The following MGAT4C variants were observed in gnomAD, a reference collection of about 807,000 sequenced individuals.
MGAT4C encodes the protein alpha-1,3-mannosyl-glycoprotein 4-beta-N-acetylglucosaminyltransferase C.
Under a neutral mutation model 40.1 loss-of-function variants are expected in MGAT4C, and 19 were observed. That is an observed-to-expected ratio of 0.47 (90% CI 0.33 to 0.70). MGAT4C has a LOEUF of 0.70. MGAT4C is among the 30% of genes least tolerant of loss of function. The pLI is 0.02. For synonymous variants in MGAT4C, 181 were observed against 187.1 expected, an observed-to-expected ratio of 0.97 and a Z score of 0.27; for missense variants, 491 against 563.2, an observed-to-expected ratio of 0.87 and a Z score of 1.30.
In MGAT4C at chr12:86,700,690, T is replaced by C. The variant is rs111882272; in HGVS notation, c.-229+26519A>G. On this transcript the variant is annotated intron_variant, in intron 2 of 7. Coordinates refer to the MGAT4C transcript ENST00000548651. ...ATTGGAGACTAAATGACCATAACTT[T>C]CCTGTGGAATGCCTCAATAATTAAA... Among the ~76,000 whole-genome samples, 119 of 152,258 alleles carry C rather than the reference T, an allele frequency of 7.8e-4. 2 individuals are homozygous for C. The highest frequency in any genetic ancestry group is 2.8e-3 in the African/African-American group (118 of 41,578).
At chr12:86,756,400 A>G (rs1215358630) in intron 1 of MGAT4C, among the ~76,000 whole-genome samples, 1 of 150,116 alleles carries the variant, frequency 6.7e-6, no homozygotes, top group East Asian at 2.0e-4. Flanking sequence ...AACCTGGTGA[A>G]TTAGGCCTGC....
intron 2 of MGAT4C, among the ~76,000 whole-genome samples, chr12:86,560,987 A>G (rs910567768): frequency 6.6e-5 from 10 of 152,194 alleles, no homozygotes; most frequent in African/African-American, 2.4e-4. Context: ...AAAAATCAGT[A>G]GCATTTCTAT....
chr12:86,511,025 C>T (rs1958572283), intron 2 of MGAT4C, among the ~76,000 whole-genome samples: 2 of 152,150 alleles, frequency 1.3e-5, no homozygotes, highest in African/African-American at 2.4e-5. Flanking sequence ...CACCTCAAAT[C>T]GACAGAATAT....
intron 1 of MGAT4C, among the ~76,000 whole-genome samples, chr12:86,101,975 TG>T (rs1875170656): frequency 6.6e-6 from 1 of 151,990 alleles, no homozygotes; most frequent in African/African-American, 2.4e-5. Context: ...AACTTCTCTT[TG>T]GAAAGAATAA....
chr12:86,592,162 A>G (rs1961354845), intron 2 of MGAT4C, among the ~76,000 whole-genome samples: 1 of 152,106 alleles, frequency 6.6e-6, no homozygotes. Context: ...TATTTATTTT[A>G]TCAGAAGTTG....
In MGAT4C at chr12:86,609,470, A is replaced by G. The variant is rs113272714; in HGVS notation, c.-229+117739T>C. 3.1e-3 allele frequency among the ~76,000 whole-genome samples: 477 copies of G among 152,254 alleles called. 1 individual carries two copies. The highest frequency in any genetic ancestry group is 0.011 in the African/African-American group (461 of 41,558). Reference sequence around the variant, plus strand: ...TAAGTATTTTTTAAAAAGTAAAAAAAAAGACTACTGATAAACAAAATTGAT... The same window carrying G: ...TAAGTATTTTTTAAAAAGTAAAAAAGAAGACTACTGATAAACAAAATTGAT... On this transcript the variant is annotated intron_variant, in intron 2 of 7. Transcript: ENST00000548651.
intron 2 of MGAT4C, among the ~76,000 whole-genome samples, chr12:86,435,587 A>C (rs1323375573): frequency 2.6e-5 from 4 of 151,900 alleles, no homozygotes; most frequent in Non-Finnish European, 5.9e-5. Context: ...ATATGTCTTT[A>C]TTTTTAAATT....
At chr12:86,075,349 C>A (rs984050821) in intron 1 of MGAT4C, among the ~76,000 whole-genome samples, 5 of 152,154 alleles carry the variant, frequency 3.3e-5, no homozygotes, top group Admixed American at 2.6e-4. Flanking sequence ...CAGATGGGTT[C>A]CCATGGTCTT....
intron 2 of MGAT4C, among the ~76,000 whole-genome samples, chr12:86,440,360 A>G (rs1369363473): frequency 1.3e-5 from 2 of 152,090 alleles, no homozygotes; most frequent in African/African-American, 4.8e-5. Flanking sequence ...CCACAAAAAC[A>G]GAATTAAAAA....
rs78211902 is a variant in MGAT4C, at chr12:86,741,913, C to A, written c.-261-14672G>T. On this transcript the variant is annotated intron_variant, in intron 1 of 7. Transcript: ENST00000548651. ...GACTACATATTTAAAAGTAAACAAGCAAAACAGTTTACAAAATTGTTTTCT... is the reference window on the plus strand; with the variant it reads ...GACTACATATTTAAAAGTAAACAAGAAAAACAGTTTACAAAATTGTTTTCT... Among the ~76,000 whole-genome samples the A allele has an allele frequency of 0.018, 2,660 of 151,374 alleles. 139 individuals carry two copies. The East Asian group carries it at 0.18, about 10-fold the overall frequency.
At chr12:86,389,751 A>T (rs1956131653) in intron 3 of MGAT4C, among the ~76,000 whole-genome samples, 1 of 152,208 alleles carries the variant, frequency 6.6e-6, no homozygotes, top group African/African-American at 2.4e-5. Flanking sequence ...TGTTATATCT[A>T]ATGCTGAAGG....
At chr12:86,776,587 T>C (rs1364872827) in intron 1 of MGAT4C, among the ~76,000 whole-genome samples, 1 of 152,072 alleles carries the variant, frequency 6.6e-6, no homozygotes, top group Non-Finnish European at 1.5e-5. Context: ...TCTCAAAGTC[T>C]TGTATGGGCT....
At chr12:86,413,250 C>T (rs749659853) in intron 3 of MGAT4C, among the ~76,000 whole-genome samples, 8 of 151,976 alleles carry the variant, frequency 5.3e-5, no homozygotes, top group Non-Finnish European at 7.4e-5. Flanking sequence ...GAAGTACTAT[C>T]GAGAAAGAGA....
intron 2 of MGAT4C, among the ~76,000 whole-genome samples, chr12:86,616,439 A>G (rs1962449885): frequency 2.6e-5 from 4 of 152,154 alleles, no homozygotes; most frequent in Non-Finnish European, 2.9e-5. Flanking sequence ...TTAAATTAAA[A>G]CCCTTGTAAG....
intron 1 of MGAT4C, among the ~76,000 whole-genome samples, chr12:86,217,540 G>A (rs1593262897): frequency 6.6e-6 from 1 of 152,240 alleles, no homozygotes; most frequent in East Asian, 1.9e-4. Flanking sequence ...CTATGAGAAA[G>A]CACATGCTTC....
At chr12:86,154,791 C>T (rs1434729385) in intron 1 of MGAT4C, among the ~76,000 whole-genome samples, 1 of 152,176 alleles carries the variant, frequency 6.6e-6, no homozygotes, top group East Asian at 1.9e-4. Context: ...TCATCTGTAT[C>T]AATTTTTCAT....
chr12:86,574,516 T>C (rs1960487716), intron 2 of MGAT4C, among the ~76,000 whole-genome samples: 1 of 151,796 alleles, frequency 6.6e-6, no homozygotes, highest in Non-Finnish European at 1.5e-5. Flanking sequence ...AGTCATTATA[T>C]TTGGAACCAG....
intron 1 of MGAT4C, among the ~76,000 whole-genome samples, chr12:86,147,055 TG>T (rs1417642280): frequency 2.6e-5 from 4 of 152,100 alleles, no homozygotes; most frequent in African/African-American, 4.8e-5. Context: ...TAGAAAAAGA[TG>T]TGGAACACCT....
At chr12:86,564,551 T>C (rs1316360607) in intron 2 of MGAT4C, among the ~76,000 whole-genome samples, 4 of 152,192 alleles carry the variant, frequency 2.6e-5, no homozygotes, top group Admixed American at 6.5e-5. Flanking sequence ...TGGTGATACA[T>C]TTGCATGCAA....
Sources: allele counts gnomAD v4.1 joint callset (sites outside exome capture counted in the v4.1 genomes callset), GRCh38; gene constraint gnomAD v4.1.1; transcripts MANE v1.5; gene names NCBI Gene and HGNC (gene_info 2026-07-23, HGNC 2026-07-21).